Variants in ACOX1 observed in about 807,000 individuals in gnomAD.
The protein encoded by ACOX1 is peroxisomal acyl-coenzyme A oxidase 1.
In ACOX1, 41 loss-of-function variants were observed where a neutral mutation model predicts 75.5. The observed-to-expected ratio is 0.54, with a 90% CI of 0.42 to 0.70. The LOEUF is 0.70. Among genes scored for constraint, ACOX1 ranks in the 30% least tolerant of loss-of-function variants. The pLI is 0.00. For synonymous variants in ACOX1, 303 were observed against 298.8 expected (o/e 1.01, Z -0.15); for missense variants, 630 against 837.5 (o/e 0.75, Z 3.06).
At chr17:75,968,651 A>AGT (rs1555619155) in intron 2 of ACOX1, among the ~76,000 whole-genome samples, 3 of 149,236 alleles carry the variant, frequency 2.0e-5, no homozygotes, top group Non-Finnish European at 4.4e-5. Context: ...GGCCATGTGC[A>AGT]GTGGCTCATG....
In ACOX1 at chr17:75,978,755, C is replaced by T. The variant is rs551211230; in HGVS notation, c.110-62G>A. On this transcript the variant is annotated intron_variant, in intron 1 of 13. Coordinates refer to ENST00000293217, the MANE Select transcript of ACOX1 (RefSeq NM_004035.7). This position sits in a 1 kb window ranked among gnomAD's most constrained non-coding sequence, Gnocchi z 4.2. The stretch of plus-strand genomic sequence containing the variant: ...ACACTCGGGCCTCCGTTCCACCCTC[C>T]CTGAATCACAATAGGCTTCAGAGTC... 52 of 1,611,894 alleles carry T rather than the reference C, an allele frequency of 3.2e-5. No homozygotes were observed. In the South Asian group the frequency reaches 5.0e-4, roughly 15 times the overall value.
Position 75,950,200 on chromosome 17 carries a change from G to A in ACOX1, c.1299-303C>T, listed in dbSNP as rs554543956. Among the ~76,000 whole-genome samples the A allele has an allele frequency of 2.6e-5, 4 of 151,890 alleles. No homozygotes were observed. In the East Asian group the frequency reaches 5.8e-4, roughly 22 times the overall value. On this transcript the variant is annotated intron_variant, in intron 9 of 13. Coordinates refer to ENST00000293217, the MANE Select transcript of ACOX1 (RefSeq NM_004035.7). This position sits in a 1 kb window ranked among gnomAD's most constrained non-coding sequence, Gnocchi z 4.3. ...ACTCCTGACCTCAAGTGATCTACCC[G>A]GCTTGGCGTCCCAAAGTGCTGGGAT... is the stretch of plus-strand genomic sequence containing the variant.
chr17:75,978,417 A>C lies in ACOX1; in HGVS notation c.269+117T>G. ...CACACATATAACTTTATAAAGTTGC[A>C]TGAAAATATGCCAGTTTGCATCTTC... On this transcript the variant is annotated intron_variant, in intron 2 of 13. Transcript: ENST00000293217. The surrounding 1 kb of genome is among the most constrained non-coding windows in gnomAD (Gnocchi z 4.2). 7.2e-7 allele frequency: 1 copy of C among 1,391,052 alleles called. No homozygotes were observed. 86.2% of individuals were successfully genotyped at this position (1,391,052 alleles called of 1,614,324 possible). A position where few individuals can be genotyped will look rare whatever the true frequency, so the allele number is the denominator to read the frequency against.
chr17:75,957,319 G>C, intron 4 of ACOX1, 140 bp downstream of exon 4: 1 of 761,898 alleles, frequency 1.3e-6, no homozygotes, highest in South Asian at 1.4e-5. Flanking sequence ...GACCTCAAGT[G>C]ATCTGCCCAC....
chr17:75,946,819 A>T (rs774349376), intron 13 of ACOX1, 24 bp from the exon 14 acceptor site: 2 of 1,609,426 alleles, frequency 1.2e-6, no homozygotes, highest in Non-Finnish European at 1.7e-6. Flanking sequence ...AGAGAGAAGA[A>T]CTACTAATAA....
intron 4 of ACOX1, among the ~76,000 whole-genome samples, chr17:75,957,008 T>TATATATATATATAC (rs1555617568): frequency 2.7e-5 from 3 of 110,180 alleles, no homozygotes; most frequent in African/African-American, 1.1e-4. Flanking sequence ...TATATATATA[T>TATATATATATATAC]ACACACACAC....
chr17:75,972,924 T>G (rs925043127), intron 2 of ACOX1, among the ~76,000 whole-genome samples: 1 of 152,220 alleles, frequency 6.6e-6, no homozygotes, highest in African/African-American at 2.4e-5. Context: ...TCCTGCCATT[T>G]TGATAATTAG....
Position 75,977,542 on chromosome 17 carries a change from G to A in ACOX1, c.269+992C>T, listed in dbSNP as rs557560251. Among the ~76,000 whole-genome samples, 197 of 152,126 alleles carry A rather than the reference G, an allele frequency of 1.3e-3. 3 individuals are homozygous for A. Among genetic ancestry groups the A allele is most frequent in the African/African-American group, 4.4e-3 (182 of 41,506 alleles). On this transcript the variant is annotated intron_variant, in intron 2 of 13. Coordinates refer to ENST00000293217, the MANE Select transcript of ACOX1 (RefSeq NM_004035.7). ...GATCGTGCCACTGCACTGCAGCCTG[G>A]GCGACAGAGCGAGACTCCGTCTCAA...
In ACOX1 at chr17:75,951,536, T is replaced by C. The variant is rs775879557; in HGVS notation, c.986A>G (p.Tyr329Cys). 6 of 1,614,052 alleles carry C rather than the reference T, an allele frequency of 3.7e-6. No individual in the cohort carries two copies. The highest frequency in any genetic ancestry group is 5.1e-6 in the Non-Finnish European group (6 of 1,180,030). ...AGTGGCCAGGAGTGGAAAGAGTTTATACTGCTGGGTTTGAAAATCCAAAAT... is the reference window on the plus strand; with the variant it reads ...AGTGGCCAGGAGTGGAAAGAGTTTACACTGCTGGGTTTGAAAATCCAAAAT... ...PQILDFQTQQ[Y>C]KLFPLLATAY... The change falls in exon 8 of 14, where the codon TAT (tyrosine) becomes TGT (cysteine). Residue 329 changes from tyrosine to cysteine, a missense_variant. Transcript: ENST00000293217.
chr17:75,965,436 C>G (rs2065923222), intron 2 of ACOX1, among the ~76,000 whole-genome samples: 1 of 150,048 alleles, frequency 6.7e-6, no homozygotes, highest in Non-Finnish European at 1.5e-5. Context: ...CAAGAAAAGA[C>G]AAGGCTTCAA....
At chr17:75,957,008 T>TATACACACAC (rs1555617568) in intron 4 of ACOX1, among the ~76,000 whole-genome samples, 4 of 110,180 alleles carry the variant, frequency 3.6e-5, no homozygotes, top group African/African-American at 1.5e-4. Context: ...TATATATATA[T>TATACACACAC]ACACACACAC....
Position 75,957,500 on chromosome 17 carries a change from T to C in ACOX1, c.497A>G (p.Asn166Ser), listed in dbSNP as rs145056278. ...TTTAATGGAGGTCACAGTAGGACTG[T>C]TGAGAATGAACTCCTGGGTTTCAGG... ...YDPETQEFIL[N>S]SPTVTSIKWW... is the part of the protein sequence containing the mutation. The change falls in exon 4 of 14, where the codon AAC (asparagine) becomes AGC (serine). Residue 166 changes from asparagine (N) to serine (S), a missense_variant. By Grantham distance (46) the Asn-to-Ser change is conservative. Transcript: ENST00000293217. 2.7e-4 allele frequency: 428 copies of C among 1,614,160 alleles called. 2 individuals are homozygous for C. The African/African-American group carries it at 5.5e-3, about 21-fold the overall frequency.
At chr17:75,967,236 C>T (rs564554080) in intron 2 of ACOX1, among the ~76,000 whole-genome samples, 97 of 151,996 alleles carry the variant, frequency 6.4e-4, no homozygotes, top group Non-Finnish European at 1.2e-3. Flanking sequence ...TTTGGGAGAC[C>T]GAGGCGGGTG....
At chr17:75,948,140 T>C in intron 13 of ACOX1, 111 bp downstream of exon 13, 1 of 1,057,282 alleles carries the variant, frequency 9.5e-7, no homozygotes, top group Non-Finnish European at 1.4e-6. Flanking sequence ...CTGTCAGAAG[T>C]GGCCATGGTA....
In ACOX1 at chr17:75,943,920, A is replaced by AC. The variant is rs2065696591; in HGVS notation, c.*2827_*2828insG. On this transcript the variant is annotated 3_prime_UTR_variant, in exon 14 of 14. Coordinates refer to ENST00000293217, the MANE Select transcript of ACOX1 (RefSeq NM_004035.7). Reference sequence around the variant, plus strand: ...TAAATCAATATTATCTAACACACACAAAAAATCTCATTAATTCTCCTCACT... The same window carrying AC: ...TAAATCAATATTATCTAACACACACACAAAAATCTCATTAATTCTCCTCACT... The AC allele has an allele frequency of 6.6e-6, 1 of 152,182 alleles. No individual in the cohort carries two copies. Among genetic ancestry groups the AC allele is most frequent in the Non-Finnish European group, 1.5e-5 (1 of 68,028 alleles). The allele number at this position is 152,182 out of a possible 1,614,324, so 9.4% of individuals were successfully genotyped here.
intron 2 of ACOX1, chr17:75,973,661 T>C: frequency 6.2e-7 from 1 of 1,614,206 alleles, no homozygotes; most frequent in Non-Finnish European, 8.5e-7. Flanking sequence ...GTGCCAATTA[T>C]CTGGAGTCCT....
At chr17:75,973,400 A>G (rs569005004) in intron 2 of ACOX1, 1 of 580,846 alleles carries the variant, frequency 1.7e-6, no homozygotes, top group African/African-American at 1.9e-5. Flanking sequence ...AAGCTGTTCA[A>G]TAATAAAAGG....
intron 2 of ACOX1, among the ~76,000 whole-genome samples, chr17:75,974,482 T>C (rs151118729): frequency 2.6e-5 from 4 of 152,224 alleles, no homozygotes; most frequent in Non-Finnish European, 4.4e-5. Flanking sequence ...TCCACAGTAG[T>C]TGGCCTTGGC....
Position 75,960,155 on chromosome 17 carries a change from C to G in ACOX1, c.430+60G>C. 6.2e-7 allele frequency: 1 copy of G among 1,607,052 alleles called. No individual in the cohort carries two copies. The highest frequency in any genetic ancestry group is 8.5e-7 in the Non-Finnish European group (1 of 1,175,268). On this transcript the variant is annotated intron_variant, in intron 3 of 13. Coordinates refer to ENST00000293217, the MANE Select transcript of ACOX1 (RefSeq NM_004035.7). This position sits in a 1 kb window ranked among gnomAD's most constrained non-coding sequence, Gnocchi z 4.4. ...CATCGATGGCACATGGTGGGCACTC[C>G]ACACATGGTAAGCTCACAGGGGCCC...
Sources: gnomAD v4.1 joint callset for allele counts (sites outside exome capture counted in the v4.1 genomes callset) on GRCh38, gnomAD v4.1.1 for gene constraint, Gnocchi (gnomAD v3.1) non-coding constraint, MANE v1.5 for transcripts, NCBI Gene and HGNC (gene_info 2026-07-23, HGNC 2026-07-21) for gene names.